GIPC2: variants seen among roughly 807,000 people sequenced by gnomAD.
GIPC2 encodes the protein PDZ domain-containing protein GIPC2.
A neutral mutation model predicts 30.6 loss-of-function variants in GIPC2; 30 were observed. The observed-to-expected ratio is 0.98, with a 90% CI of 0.73 to 1.33. The LOEUF is 1.33. GIPC2 is among the 40% of genes most tolerant of loss of function. GIPC2 has a pLI of 0.00. For missense variants in GIPC2, 414 were observed against 390.3 expected (o/e 1.06, Z -0.51); for synonymous variants, 167 against 150.0 (o/e 1.11, Z -0.83).
intron 3 of GIPC2, among the ~76,000 whole-genome samples, chr1:78,107,333 T>A (rs1004312576): frequency 1.3e-5 from 2 of 151,802 alleles, no homozygotes; most frequent in African/African-American, 2.4e-5. Context: ...TTTGTAGAGA[T>A]GGGATCTCAC....
At chr1:78,101,007 A>G (rs1662240953) in intron 3 of GIPC2, among the ~76,000 whole-genome samples, 1 of 151,254 alleles carries the variant, frequency 6.6e-6, no homozygotes, top group African/African-American at 2.4e-5. Flanking sequence ...ATGAGCATTG[A>G]TAATTGGGGC....
chr1:78,127,988 A>G (rs1448245650), intron 5 of GIPC2, among the ~76,000 whole-genome samples: 3 of 140,794 alleles, frequency 2.1e-5, no homozygotes, highest in South Asian at 2.2e-4. Flanking sequence ...CATCATTGCC[A>G]GCCCTGAGAA....
At chr1:78,088,654 C>G (rs893790353) in intron 2 of GIPC2, among the ~76,000 whole-genome samples, 3 of 152,010 alleles carry the variant, frequency 2.0e-5, no homozygotes, top group Non-Finnish European at 2.9e-5. Flanking sequence ...TCCCTTAACC[C>G]CAACATAGTG....
At chr1:78,105,584 C>A (rs1662335040) in intron 3 of GIPC2, among the ~76,000 whole-genome samples, 1 of 152,074 alleles carries the variant, frequency 6.6e-6, no homozygotes, top group Non-Finnish European at 1.5e-5. Context: ...CCTTGCCCGA[C>A]CAGAACCGTA....
At chr1:78,067,929 C>T (rs1037127228) in intron 1 of GIPC2, among the ~76,000 whole-genome samples, 3 of 152,110 alleles carry the variant, frequency 2.0e-5, no homozygotes, top group African/African-American at 7.2e-5. Flanking sequence ...GTGGATGGTC[C>T]TTAGTCTAAA....
At chr1:78,102,235 C>G (rs1027786952) in intron 3 of GIPC2, among the ~76,000 whole-genome samples, 1 of 152,194 alleles carries the variant, frequency 6.6e-6, no homozygotes, top group Non-Finnish European at 1.5e-5. Flanking sequence ...GTGTATCCAT[C>G]AGAATAGGAT....
At chr1:78,124,108 T>C (rs1477690343) in intron 4 of GIPC2, among the ~76,000 whole-genome samples, 1 of 152,238 alleles carries the variant, frequency 6.6e-6, no homozygotes, top group East Asian at 1.9e-4. Flanking sequence ...TACATTTGCA[T>C]GTATAGTTGA....
intron 1 of GIPC2, among the ~76,000 whole-genome samples, chr1:78,065,835 T>A (rs1216780412): frequency 1.3e-5 from 2 of 152,188 alleles, no homozygotes; most frequent in Non-Finnish European, 2.9e-5. Context: ...GATGACTGGC[T>A]AGCCATATGC....
intron 1 of GIPC2, among the ~76,000 whole-genome samples, chr1:78,078,350 C>T (rs1209454857): frequency 6.6e-6 from 1 of 152,094 alleles, no homozygotes; most frequent in African/African-American, 2.4e-5. Flanking sequence ...CTTATTCTCC[C>T]GTGAAGAACT....
chr1:78,074,852 C>T (rs1040740181), intron 1 of GIPC2, among the ~76,000 whole-genome samples: 3 of 151,944 alleles, frequency 2.0e-5, no homozygotes, highest in Non-Finnish European at 4.4e-5. Flanking sequence ...AATACCTCAG[C>T]GTATTAAAAG....
intron 1 of GIPC2, among the ~76,000 whole-genome samples, chr1:78,080,454 G>A (rs530714043): frequency 2.6e-5 from 4 of 152,232 alleles, no homozygotes; most frequent in East Asian, 3.9e-4. Context: ...ATTGTCTAGC[G>A]TGAAGCCTGG....
chr1:78,061,768 C>T (rs1356882271), intron 1 of GIPC2, among the ~76,000 whole-genome samples: 11 of 151,900 alleles, frequency 7.2e-5, no homozygotes, highest in Non-Finnish European at 1.0e-4. Context: ...AGGCGCACAC[C>T]ACCATGCCCG....
intron 1 of GIPC2, among the ~76,000 whole-genome samples, chr1:78,053,880 A>G (rs1388857334): frequency 1.3e-5 from 2 of 151,536 alleles, no homozygotes; most frequent in Non-Finnish European, 2.9e-5. Flanking sequence ...GTGAGCTATG[A>G]TTGTGCTGCT....
At chr1:78,060,497 C>G (rs778620941) in intron 1 of GIPC2, among the ~76,000 whole-genome samples, 2 of 152,164 alleles carry the variant, frequency 1.3e-5, no homozygotes, top group Admixed American at 6.5e-5. Flanking sequence ...ACCTACCTCT[C>G]AAGTCCTCCT....
In GIPC2 at chr1:78,073,108, C is replaced by CT. The variant is rs781384738; in HGVS notation, c.241-7554dup. 7.4e-3 allele frequency among the ~76,000 whole-genome samples: 1,020 copies of CT among 137,504 alleles called. 7 individuals are homozygous for CT. Among genetic ancestry groups the CT allele is most frequent in the South Asian group, 0.022 (96 of 4,296 alleles). 90.2% of individuals were successfully genotyped at this position (137,504 alleles called of 152,430 possible). On this transcript the variant is annotated intron_variant, in intron 1 of 5. Transcript: ENST00000370759. ...ACAGGCATGAGCCACCATGCCCGGC[C>CT]TTTTTTTTTTTTTGAGACAGAGTAT...
chr1:78,045,491 A>G, upstream of GIPC2: 1 of 890,072 alleles, frequency 1.1e-6, no homozygotes, highest in Non-Finnish European at 1.3e-6. Flanking sequence ...AGCCCAGGAA[A>G]TAGGCAAAAG....
intron 1 of GIPC2, among the ~76,000 whole-genome samples, chr1:78,072,909 A>G (rs1243496843): frequency 6.6e-6 from 1 of 151,384 alleles, no homozygotes; most frequent in African/African-American, 2.4e-5. Flanking sequence ...GGTTCATGTC[A>G]TTCTCCTGTC....
intron 2 of GIPC2, among the ~76,000 whole-genome samples, chr1:78,083,334 A>G (rs1289092171): frequency 1.3e-5 from 2 of 152,110 alleles, no homozygotes; most frequent in Non-Finnish European, 2.9e-5. Flanking sequence ...TTGGTAGGAA[A>G]ATTACATAAG....
chr1:78,058,191 T>C (rs532147271), intron 1 of GIPC2, among the ~76,000 whole-genome samples: 22 of 152,288 alleles, frequency 1.4e-4, no homozygotes, highest in Non-Finnish European at 2.8e-4. Context: ...GGGCAAGTTA[T>C]TGGCTGCTCT....
Sources: allele counts gnomAD v4.1 joint callset (sites outside exome capture counted in the v4.1 genomes callset), GRCh38; gene constraint gnomAD v4.1.1; transcripts MANE v1.5; gene names NCBI Gene and HGNC (gene_info 2026-07-23, HGNC 2026-07-21).